GRM8: variants seen among roughly 807,000 people sequenced by gnomAD.
GRM8 encodes the protein glutamate metabotropic receptor 8.
A neutral mutation model predicts 87.2 loss-of-function variants in GRM8; 47 were observed. The ratio of observed to expected loss-of-function variants is 0.54; its 90% CI spans 0.43 to 0.69. The LOEUF (loss-of-function observed/expected upper bound fraction) is 0.69. GRM8 is among the 30% of genes least tolerant of loss of function. GRM8 has a pLI of 0.00. For synonymous variants in GRM8, 396 were observed against 404.5 expected (o/e 0.98, Z 0.25); for missense variants, 1,019 against 1,139.2 (o/e 0.89, Z 1.52).
chr7:127,205,809 T>G (rs1374354113), intron 2 of GRM8, among the ~76,000 whole-genome samples: 1 of 152,208 alleles, frequency 6.6e-6, no homozygotes, highest in East Asian at 1.9e-4. Flanking sequence ...ACCTTCACCT[T>G]TCTCTTCACC....
chr7:126,571,999 C>T (rs1436627067), intron 8 of GRM8, among the ~76,000 whole-genome samples: 1 of 152,112 alleles, frequency 6.6e-6, no homozygotes, highest in African/African-American at 2.4e-5. Context: ...CCTCGACCTC[C>T]CAAAGTGCTG....
intron 3 of GRM8, among the ~76,000 whole-genome samples, chr7:127,061,875 G>GC (rs1293169662): frequency 6.6e-6 from 1 of 152,158 alleles, no homozygotes; most frequent in Non-Finnish European, 1.5e-5. Flanking sequence ...CTATAGGAGA[G>GC]CCCCAGACTG....
chr7:127,085,082 T>A (rs1823329821), intron 3 of GRM8, among the ~76,000 whole-genome samples: 1 of 152,186 alleles, frequency 6.6e-6, no homozygotes, highest in South Asian at 2.1e-4. Context: ...TCTGTCCTTG[T>A]GATAGTTTGC....
intron 2 of GRM8, among the ~76,000 whole-genome samples, chr7:127,206,314 C>T (rs534973146): frequency 6.6e-6 from 1 of 152,160 alleles, no homozygotes; most frequent in African/African-American, 2.4e-5. Flanking sequence ...TCTCTCAGAA[C>T]AGCCGGAGTA....
At chr7:126,946,539 A>C (rs1236928928) in intron 3 of GRM8, among the ~76,000 whole-genome samples, 1 of 152,164 alleles carries the variant, frequency 6.6e-6, no homozygotes, top group Non-Finnish European at 1.5e-5. Flanking sequence ...AAGTCAAAAG[A>C]AAGGAAAGAA....
intron 7 of GRM8, among the ~76,000 whole-genome samples, chr7:126,658,883 G>C (rs1200851180): frequency 6.6e-6 from 1 of 151,918 alleles, no homozygotes; most frequent in Non-Finnish European, 1.5e-5. Flanking sequence ...CTAGGGGACC[G>C]AGCCACTCAC....
intron 2 of GRM8, among the ~76,000 whole-genome samples, chr7:127,150,667 C>A (rs1828809899): frequency 6.6e-6 from 1 of 152,080 alleles, no homozygotes; most frequent in South Asian, 2.1e-4. Context: ...CCAAACACAC[C>A]ACTTAAAGTG....
At chr7:126,810,146 G>A (rs1043960112) in intron 6 of GRM8, among the ~76,000 whole-genome samples, 2 of 152,120 alleles carry the variant, frequency 1.3e-5, no homozygotes, top group Non-Finnish European at 2.9e-5. Flanking sequence ...GAAATTCTAA[G>A]TTTAATTGAT....
intron 3 of GRM8, among the ~76,000 whole-genome samples, chr7:126,998,923 G>C (rs1398975422): frequency 1.3e-5 from 2 of 151,702 alleles, no homozygotes; most frequent in African/African-American, 4.8e-5. Flanking sequence ...GATTTATATG[G>C]AACTACAAAA....
intron 6 of GRM8, among the ~76,000 whole-genome samples, chr7:126,880,365 C>A (rs1388409370): frequency 6.6e-6 from 1 of 152,108 alleles, no homozygotes; most frequent in African/African-American, 2.4e-5. Context: ...GTCTATAATG[C>A]CCTTGGATTT....
chr7:127,172,202 CTT>C (rs1793842037), intron 2 of GRM8, among the ~76,000 whole-genome samples: 1 of 151,822 alleles, frequency 6.6e-6, no homozygotes, highest in Admixed American at 6.6e-5. Flanking sequence ...ATTGATATTT[CTT>C]TTGTTATTCT....
At position 126,929,358 on chromosome 7, in the gene GRM8, G is replaced by A. The variant is rs567551723; in HGVS notation, c.728-24675C>T. Among the ~76,000 whole-genome samples, 18 of 152,316 alleles carry A rather than the reference G, an allele frequency of 1.2e-4. No homozygotes were observed. In the South Asian group the frequency reaches 1.9e-3, roughly 16 times the overall value. On this transcript the variant is annotated intron_variant, in intron 3 of 10. Coordinates refer to ENST00000339582, the MANE Select transcript of GRM8 (RefSeq NM_000845.3). ...GCTGTTGAAGACAGCAGCCACTAGC[G>A]TCATAGGACAATTGAGCATATGAAA...
chr7:126,465,069 T>C (rs1804333505), intron 9 of GRM8, among the ~76,000 whole-genome samples: 1 of 151,736 alleles, frequency 6.6e-6, no homozygotes, highest in South Asian at 2.1e-4. Context: ...GCTACATATG[T>C]TGAAAAAGAA....
chr7:127,134,412 C>A (rs1277880962), intron 2 of GRM8, among the ~76,000 whole-genome samples: 1 of 152,190 alleles, frequency 6.6e-6, no homozygotes, highest in Admixed American at 6.5e-5. Flanking sequence ...TGAAATATCA[C>A]CTTGACTTGT....
intron 3 of GRM8, among the ~76,000 whole-genome samples, chr7:126,971,157 TAAAAAAAAAAA>T (rs71177581): frequency 1.0e-5 from 1 of 100,244 alleles, no homozygotes; most frequent in Admixed American, 1.1e-4. Context: ...TTTCAATTTG[TAAAAAAAAAAA>T]AAAAAAAAAA....
At chr7:127,129,855 T>TTA (rs1278974778) in intron 2 of GRM8, among the ~76,000 whole-genome samples, 1 of 152,194 alleles carries the variant, frequency 6.6e-6, no homozygotes, top group African/African-American at 2.4e-5. Context: ...CTATTCAATC[T>TTA]CTGAGTCATT....
chr7:126,446,379 G>GAAA lies in GRM8; in HGVS notation c.2431-8_2431-7insTTT. The stretch of plus-strand genomic sequence containing the variant: ...TTGTTGTCTGGATGTACATCTGAGG[G>GAAA]AAGAAAAAAAAAAGAATCACTGTTG... On this transcript the variant is annotated splice_region_variant and splice_polypyrimidine_tract_variant and intron_variant, in intron 9 of 10. Coordinates refer to ENST00000339582, the MANE Select transcript of GRM8 (RefSeq NM_000845.3). 1.3e-6 allele frequency: 2 copies of GAAA among 1,551,292 alleles called. No homozygotes were observed. The highest frequency in any genetic ancestry group is 3.9e-5 in the Admixed American group (2 of 51,608).
chr7:126,611,109 CTT>C (rs1798872290), intron 7 of GRM8, among the ~76,000 whole-genome samples: 2 of 152,112 alleles, frequency 1.3e-5, no homozygotes, highest in African/African-American at 4.8e-5. Context: ...TGAGAAATGA[CTT>C]TATATATAAA....
intron 9 of GRM8, among the ~76,000 whole-genome samples, chr7:126,526,751 A>T (rs1238179812): frequency 1.3e-5 from 2 of 152,056 alleles, no homozygotes; most frequent in African/African-American, 4.8e-5. Flanking sequence ...AAAAACAAAA[A>T]CTTATATAAG....
Sources: gnomAD v4.1 joint callset for allele counts (sites outside exome capture counted in the v4.1 genomes callset) on GRCh38, gnomAD v4.1.1 for gene constraint, MANE v1.5 for transcripts, NCBI Gene and HGNC (gene_info 2026-07-23, HGNC 2026-07-21) for gene names.